The following MED13L variants were observed in gnomAD, a reference collection of about 807,000 sequenced individuals.
MED13L encodes mediator complex subunit 13L.
Under a neutral mutation model 220.9 loss-of-function variants are expected in MED13L, and 7 were observed. The ratio of observed to expected loss-of-function variants is 0.03; its 90% CI spans 0.02 to 0.06. The LOEUF (loss-of-function observed/expected upper bound fraction) is 0.06. Among genes scored for constraint, MED13L ranks in the 10% least tolerant of loss-of-function variants. MED13L has a pLI of 1.00. For synonymous variants in MED13L, 1,011 were observed against 1,015.2 expected (o/e 1.00, Z 0.08); for missense variants, 1,965 against 2,760.5 (o/e 0.71, Z 6.46).
chr12:115,973,312 C>T (rs1157503818), intron 25 of MED13L, among the ~76,000 whole-genome samples: 2 of 152,216 alleles, frequency 1.3e-5, no homozygotes, highest in African/African-American at 4.8e-5. Context: ...TCCTGTCATA[C>T]ACTGTCCCAT....
At chr12:116,115,706 C>T (rs1874451926) in intron 2 of MED13L, among the ~76,000 whole-genome samples, 1 of 151,162 alleles carries the variant, frequency 6.6e-6, no homozygotes, top group Admixed American at 6.6e-5. Context: ...AAGATTTGAA[C>T]AGACGGTTCA....
In MED13L at chr12:115,986,319, C is replaced by A. The variant is rs1348348901; in HGVS notation, c.4285G>T (p.Ala1429Ser). ...AAAGTTTTGGCTCCTTCGAGCAAGGCCTCATTTTCTGGACACACCACAATA... is the reference window on the plus strand; with the variant it reads ...AAAGTTTTGGCTCCTTCGAGCAAGGACTCATTTTCTGGACACACCACAATA... ...AYIVVCPENE[A>S]LLEGAKTFFR... is the part of the protein sequence containing the mutation. Residue 1429 changes from alanine to serine, a missense_variant, in exon 19 of 31, where the codon GCC becomes TCC. Ala to Ser is a moderately conservative substitution (Grantham distance 99). Around this residue, in one of 10 missense-constraint regions of MED13L, gnomAD observed 510 missense variants for 620.4 expected, o/e 0.82. Coordinates refer to ENST00000281928, the MANE Select transcript of MED13L (RefSeq NM_015335.5). 17 of 1,614,040 alleles carry A rather than the reference C, an allele frequency of 1.1e-5. No homozygotes were observed. Among genetic ancestry groups the A allele is most frequent in the Non-Finnish European group, 1.4e-5 (16 of 1,180,018 alleles).
intron 23 of MED13L, among the ~76,000 whole-genome samples, chr12:115,976,980 G>C (rs1876982494): frequency 6.6e-6 from 1 of 152,146 alleles, no homozygotes; most frequent in Non-Finnish European, 1.5e-5. Flanking sequence ...GGCCAACACA[G>C]TGAGACTCCC....
chr12:116,028,661 T>C (rs11613278), intron 4 of MED13L, among the ~76,000 whole-genome samples: 9 of 152,158 alleles, frequency 5.9e-5, no homozygotes, highest in Non-Finnish European at 8.8e-5. Context: ...CTAACTGCTA[T>C]AGGCCAGAAG....
chr12:116,203,640 C>T (rs1250073423), intron 2 of MED13L, among the ~76,000 whole-genome samples: 1 of 151,734 alleles, frequency 6.6e-6, no homozygotes, highest in Admixed American at 6.6e-5. Flanking sequence ...GCCAACATGG[C>T]GAAACCCCAT....
At chr12:116,253,346 T>C (rs1476922464) in intron 1 of MED13L, among the ~76,000 whole-genome samples, 1 of 149,388 alleles carries the variant, frequency 6.7e-6, no homozygotes, top group Non-Finnish European at 1.5e-5. Flanking sequence ...CAAGGCAATA[T>C]AGCTTCACTG....
rs1189827835 is a variant in MED13L, at chr12:115,991,016, C to G, written c.3934+4G>C. 6.2e-7 allele frequency: 1 copy of G among 1,613,090 alleles called. No individual in the cohort carries two copies. Among genetic ancestry groups the G allele is most frequent in the Admixed American group, 1.7e-5 (1 of 59,998 alleles). Reference sequence around the variant, plus strand: ...AAAGTAAATTTGTGTTCTGGGACACCTACCATTGCTGTGAGGCCAAGAGTG... The same window carrying G: ...AAAGTAAATTTGTGTTCTGGGACACGTACCATTGCTGTGAGGCCAAGAGTG... On this transcript the variant is annotated splice_donor_region_variant and intron_variant, in intron 17 of 30. Coordinates refer to ENST00000281928, the MANE Select transcript of MED13L (RefSeq NM_015335.5). The surrounding 1 kb of genome is among the most constrained non-coding windows in gnomAD (Gnocchi z 7.7).
chr12:116,212,304 T>G (rs1882745644), intron 2 of MED13L, among the ~76,000 whole-genome samples: 1 of 152,028 alleles, frequency 6.6e-6, no homozygotes, highest in South Asian at 2.1e-4. Context: ...TGAGATTAAG[T>G]TGTTAACTAT....
At chr12:116,123,966 T>C (rs911417933) in intron 2 of MED13L, among the ~76,000 whole-genome samples, 20 of 152,144 alleles carry the variant, frequency 1.3e-4, no homozygotes, top group African/African-American at 4.3e-4. Flanking sequence ...ACAAGCACAT[T>C]TATAGACAGG....
chr12:115,963,995 G>A (rs1051059865), intron 29 of MED13L, among the ~76,000 whole-genome samples: 1 of 152,128 alleles, frequency 6.6e-6, no homozygotes, highest in Non-Finnish European at 1.5e-5. Context: ...GCTGAAGCTG[G>A]AAGATTGCTT....
At chr12:115,968,576 T>C (rs1226279686) in intron 28 of MED13L, among the ~76,000 whole-genome samples, 1 of 152,158 alleles carries the variant, frequency 6.6e-6, no homozygotes, top group Non-Finnish European at 1.5e-5. Context: ...GTAAGTACGG[T>C]TGTTGTACTA....
chr12:116,168,316 TAAAC>T (rs1456487554), intron 2 of MED13L, among the ~76,000 whole-genome samples: 11 of 146,788 alleles, frequency 7.5e-5, no homozygotes, highest in Non-Finnish European at 1.5e-4. Context: ...TTGTGCTTAA[TAAAC>T]ATTTTTCTGG....
At chr12:116,119,834 AAAAAATAT>A (rs1352994763) in intron 2 of MED13L, among the ~76,000 whole-genome samples, 3 of 94,950 alleles carry the variant, frequency 3.2e-5, no homozygotes, top group African/African-American at 4.8e-5. Flanking sequence ...AAAAAAAAAA[AAAAAATAT>A]ATATATATAT....
At chr12:116,028,815 T>C (rs1282592485) in intron 4 of MED13L, among the ~76,000 whole-genome samples, 1 of 152,188 alleles carries the variant, frequency 6.6e-6, no homozygotes, top group East Asian at 1.9e-4. Context: ...CTTTACTCAG[T>C]GAATCAGGTC....
At chr12:115,972,010 G>A (rs547778246) in intron 26 of MED13L, 68 bp downstream of exon 26, 19 of 1,530,926 alleles carry the variant, frequency 1.2e-5, no homozygotes, top group Middle Eastern at 1.7e-4. Flanking sequence ...CCTTGTCTGC[G>A]GACTTAAGTT....
chr12:116,108,400 G>C (rs1873782986), intron 3 of MED13L, among the ~76,000 whole-genome samples: 1 of 130,142 alleles, frequency 7.7e-6, no homozygotes, highest in Non-Finnish European at 1.6e-5. Context: ...AGGGGGGGGG[G>C]GCGCGTGGGG....
At chr12:116,191,866 T>C (rs1003926449) in intron 2 of MED13L, among the ~76,000 whole-genome samples, 9 of 151,854 alleles carry the variant, frequency 5.9e-5, no homozygotes, top group Non-Finnish European at 1.0e-4. Context: ...AAAAGTACTA[T>C]AGCATCAAAA....
intron 2 of MED13L, among the ~76,000 whole-genome samples, chr12:116,163,556 G>C (rs901743795): frequency 7.3e-5 from 11 of 151,680 alleles, no homozygotes; most frequent in African/African-American, 1.2e-4. Context: ...GTAGAGACAG[G>C]GTTTCACCAT....
intron 4 of MED13L, among the ~76,000 whole-genome samples, chr12:116,022,943 A>C (rs1268325983): frequency 6.6e-6 from 1 of 152,226 alleles, no homozygotes; most frequent in Non-Finnish European, 1.5e-5. Context: ...GCACAAGACA[A>C]GCACTCAAAA....
Sources: gnomAD v4.1 joint callset for allele counts (sites outside exome capture counted in the v4.1 genomes callset) on GRCh38, gnomAD v4.1.1 for gene constraint, gnomAD v4.1.1 regional missense constraint, Gnocchi (gnomAD v3.1) non-coding constraint, MANE v1.5 for transcripts, NCBI Gene and HGNC (gene_info 2026-07-23, HGNC 2026-07-21) for gene names.